Variants in TTC7B observed in about 807,000 individuals in gnomAD.
The protein encoded by TTC7B is tetratricopeptide repeat protein 7B.
In TTC7B, 28 loss-of-function variants were observed where a neutral mutation model predicts 106.8. That is an observed-to-expected ratio of 0.26 (90% CI 0.19 to 0.36). TTC7B has a LOEUF of 0.36. TTC7B is among the 10% of genes least tolerant of loss of function. TTC7B has a pLI of 1.00. For synonymous variants in TTC7B, 405 were observed against 430.6 expected (o/e 0.94, Z 0.74); for missense variants, 862 against 1,076.4 (o/e 0.80, Z 2.79).
chr14:90,593,309 C>A (rs563689786), intron 18 of TTC7B, among the ~76,000 whole-genome samples, 177 bp downstream of exon 18: 3 of 152,348 alleles, frequency 2.0e-5, no homozygotes, highest in African/African-American at 7.2e-5. Flanking sequence ...GAGTCACTTG[C>A]GGTTTGTGCA....
rs773570704 is a variant in TTC7B, at chr14:90,541,592, G to A, written c.2311-3C>T. On this transcript the variant is annotated splice_polypyrimidine_tract_variant and splice_region_variant and intron_variant, in intron 19 of 19. Coordinates refer to ENST00000328459, the MANE Select transcript of TTC7B (RefSeq NM_001010854.2). ...CCTAGCTGGTGAAGGATCAGGGCCT[G>A]GAGAGGTCAGAGAGAGAGAGAGACA... 6.3e-7 allele frequency: 1 copy of A among 1,579,046 alleles called. No homozygotes were observed. Among genetic ancestry groups the A allele is most frequent in the Non-Finnish European group, 8.6e-7 (1 of 1,157,286 alleles).
intron 1 of TTC7B, among the ~76,000 whole-genome samples, chr14:90,791,926 G>A (rs1369253313): frequency 6.6e-6 from 1 of 151,928 alleles, no homozygotes; most frequent in East Asian, 1.9e-4. Flanking sequence ...GGCCAAACTG[G>A]AATCTTAACC....
At chr14:90,601,555 T>G (rs1217435955) in intron 17 of TTC7B, among the ~76,000 whole-genome samples, 1 of 152,210 alleles carries the variant, frequency 6.6e-6, no homozygotes, top group Non-Finnish European at 1.5e-5. Context: ...AGCCAAGAAC[T>G]CAAGTCGGTA....
In TTC7B at chr14:90,741,936, C is replaced by A. The variant is rs141589915; in HGVS notation, c.576+2856G>T. On this transcript the variant is annotated intron_variant, in intron 4 of 19. Coordinates refer to ENST00000328459, the MANE Select transcript of TTC7B (RefSeq NM_001010854.2). ...AACTGGTTTTCCAAAAAAGAAAACG[C>A]CAGAGCCAGAAATTTGAAAATCAGA... 3.9e-3 allele frequency among the ~76,000 whole-genome samples: 594 copies of A among 152,204 alleles called. 5 individuals are homozygous for A. Among genetic ancestry groups the A allele is most frequent in the African/African-American group, 0.014 (568 of 41,524 alleles).
chr14:90,815,091 T>G (rs894496583), intron 1 of TTC7B, among the ~76,000 whole-genome samples: 2 of 152,188 alleles, frequency 1.3e-5, no homozygotes, highest in African/African-American at 4.8e-5. Flanking sequence ...TGTCCTTTCT[T>G]AGAGCAGCCC....
At chr14:90,689,911 T>C (rs1195950187) in intron 6 of TTC7B, among the ~76,000 whole-genome samples, 199 bp from the exon 7 acceptor site, 1 of 152,240 alleles carries the variant, frequency 6.6e-6, no homozygotes, top group African/African-American at 2.4e-5. Context: ...ACTAAGATGT[T>C]TGAACACTTA....
intron 19 of TTC7B, among the ~76,000 whole-genome samples, chr14:90,560,666 G>T (rs975377668): frequency 6.6e-6 from 1 of 152,130 alleles, no homozygotes; most frequent in African/African-American, 2.4e-5. Flanking sequence ...TCCCATTCAG[G>T]CTCCAAACGG....
intron 15 of TTC7B, among the ~76,000 whole-genome samples, chr14:90,618,671 T>C (rs889623510): frequency 6.6e-6 from 1 of 152,228 alleles, no homozygotes; most frequent in Admixed American, 6.5e-5. Context: ...TTCTGGGCAC[T>C]AAGCTCAGAA....
chr14:90,762,313 C>T (rs1195345905), intron 3 of TTC7B, among the ~76,000 whole-genome samples: 1 of 152,202 alleles, frequency 6.6e-6, no homozygotes, highest in African/African-American at 2.4e-5. Context: ...AGTGCCTCTG[C>T]TTGACCAAAC....
chr14:90,640,171 C>A (rs1284164515), intron 15 of TTC7B, among the ~76,000 whole-genome samples: 1 of 151,868 alleles, frequency 6.6e-6, no homozygotes, highest in African/African-American at 2.4e-5. Context: ...CCCAGCTACT[C>A]GGGAGGCTGA....
intron 5 of TTC7B, among the ~76,000 whole-genome samples, chr14:90,724,597 G>A (rs1375449854): frequency 5.9e-5 from 9 of 152,068 alleles, no homozygotes; most frequent in Admixed American, 5.9e-4. Flanking sequence ...CTCCTGCTCT[G>A]GCCATGTGAT....
intron 15 of TTC7B, 103 bp downstream of exon 15, chr14:90,643,945 C>T (rs934807136): frequency 2.9e-6 from 4 of 1,358,650 alleles, no homozygotes; most frequent in African/African-American, 1.5e-5. Context: ...TATTGACTGC[C>T]AGGGTGTCCA....
chr14:90,676,429 G>C (rs1284954640), intron 9 of TTC7B, 94 bp downstream of exon 9: 13 of 1,447,442 alleles, frequency 9.0e-6, no homozygotes, highest in South Asian at 7.9e-5. Context: ...CACTAATAGA[G>C]GGGGGCCCAG....
At chr14:90,548,852 G>A (rs1889949706) in intron 19 of TTC7B, among the ~76,000 whole-genome samples, 1 of 152,216 alleles carries the variant, frequency 6.6e-6, no homozygotes, top group South Asian at 2.1e-4. Context: ...CATCGGCTGG[G>A]TGCAGTGGCT....
chr14:90,735,413 G>A (rs577396741), intron 4 of TTC7B, among the ~76,000 whole-genome samples: 7 of 151,796 alleles, frequency 4.6e-5, no homozygotes, highest in Middle Eastern at 3.4e-3. Flanking sequence ...ATGCTGAGGC[G>A]GAAGGATTGC....
chr14:90,645,358 T>C (rs916261941), intron 14 of TTC7B, among the ~76,000 whole-genome samples: 8 of 152,192 alleles, frequency 5.3e-5, no homozygotes, highest in African/African-American at 1.9e-4. Flanking sequence ...AGAGAGACCA[T>C]TCACCCCAAT....
chr14:90,729,387 C>T (rs1889238820), intron 5 of TTC7B, among the ~76,000 whole-genome samples: 1 of 152,184 alleles, frequency 6.6e-6, no homozygotes. Context: ...CTCTAGGGGC[C>T]TCCCATGCAA....
chr14:90,702,595 T>C (rs1888038083), intron 5 of TTC7B, among the ~76,000 whole-genome samples: 1 of 152,200 alleles, frequency 6.6e-6, no homozygotes, highest in African/African-American at 2.4e-5. Context: ...TATGAAAATC[T>C]GCTTTACTTC....
intron 4 of TTC7B, among the ~76,000 whole-genome samples, chr14:90,735,181 C>A (rs1889471437): frequency 6.6e-6 from 1 of 152,180 alleles, no homozygotes; most frequent in African/African-American, 2.4e-5. Flanking sequence ...TAAAACATCA[C>A]AGGCACATTT....
Sources: allele counts gnomAD v4.1 joint callset (sites outside exome capture counted in the v4.1 genomes callset), GRCh38; gene constraint gnomAD v4.1.1; transcripts MANE v1.5; gene names NCBI Gene and HGNC (gene_info 2026-07-23, HGNC 2026-07-21).